The following AAK1 variants were observed in gnomAD, a reference collection of about 807,000 sequenced individuals.
AAK1 encodes AP2-associated protein kinase 1.
Under a neutral mutation model 116.0 loss-of-function variants are expected in AAK1, and 37 were observed. That is an observed-to-expected ratio of 0.32 (90% CI 0.25 to 0.42). AAK1 has a LOEUF of 0.42. Among genes scored for constraint, AAK1 ranks in the 10% least tolerant of loss-of-function variants. The pLI is 1.00. For synonymous variants in AAK1, 458 were observed against 439.9 expected, an observed-to-expected ratio of 1.04 and a Z score of -0.51; for missense variants, 919 against 1,170.6, an observed-to-expected ratio of 0.79 and a Z score of 3.14.
intron 2 of AAK1, among the ~76,000 whole-genome samples, chr2:69,619,223 C>T (rs1450391094): frequency 6.6e-6 from 1 of 152,178 alleles, no homozygotes; most frequent in Non-Finnish European, 1.5e-5. Context: ...GATGACTAAC[C>T]CAACTCTCAG....
chr2:69,507,986 C>T (rs10197424), intron 14 of AAK1, among the ~76,000 whole-genome samples: 4,652 of 152,262 alleles, frequency 0.031, 275 homozygotes, highest in East Asian at 0.19. Context: ...GGATTACAGG[C>T]GTGAGCCACT....
At chr2:69,642,431 A>G (rs1271692663) in intron 2 of AAK1, among the ~76,000 whole-genome samples, 4 of 151,996 alleles carry the variant, frequency 2.6e-5, no homozygotes, top group Non-Finnish European at 4.4e-5. Flanking sequence ...CTTCCTTCCA[A>G]TGCCTGCTCA....
intron 12 of AAK1, among the ~76,000 whole-genome samples, chr2:69,515,375 G>A (rs887301685): frequency 1.3e-5 from 2 of 152,180 alleles, no homozygotes; most frequent in Non-Finnish European, 1.5e-5. Context: ...AGGCTGGGAT[G>A]TAGTGGTGCA....
At chr2:69,608,326 G>A (rs1390355210) in intron 2 of AAK1, among the ~76,000 whole-genome samples, 1 of 152,194 alleles carries the variant, frequency 6.6e-6, no homozygotes, top group Non-Finnish European at 1.5e-5. Context: ...GAAGGGCTGG[G>A]TCTGGCACGG....
At chr2:69,476,190 CTG>C (rs1200600011) in intron 21 of AAK1, among the ~76,000 whole-genome samples, 3 of 152,198 alleles carry the variant, frequency 2.0e-5, no homozygotes, top group Non-Finnish European at 4.4e-5. Flanking sequence ...CTCAGGCACT[CTG>C]TGCACACCAC....
Position 69,462,682 on chromosome 2 carries a change from A to G in AAK1, c.*13187T>C, listed in dbSNP as rs1674371717. On this transcript the variant is annotated 3_prime_UTR_variant, in exon 22 of 22. Transcript: ENST00000409085. Reference sequence around the variant, plus strand: ...CAGAGCAAGACGCCGTCTTGAAAAAAAAAAAAAAAATTTCTGAGTTGGGGT... The same window carrying G: ...CAGAGCAAGACGCCGTCTTGAAAAAGAAAAAAAAAATTTCTGAGTTGGGGT... 6.6e-6 allele frequency: 1 copy of G among 152,116 alleles called. No individual in the cohort carries two copies. Among genetic ancestry groups the G allele is most frequent in the Admixed American group, 6.5e-5 (1 of 15,268 alleles). 9.4% of individuals were successfully genotyped at this position (152,116 alleles called of 1,614,324 possible).
intron 3 of AAK1, among the ~76,000 whole-genome samples, chr2:69,553,868 G>A (rs902952425): frequency 1.4e-4 from 21 of 151,482 alleles, no homozygotes; most frequent in African/African-American, 4.8e-4. Context: ...TTGAGCTCAA[G>A]AGTGTGAGAC....
intron 2 of AAK1, among the ~76,000 whole-genome samples, chr2:69,582,408 C>A (rs1306917286): frequency 2.6e-5 from 4 of 151,600 alleles, no homozygotes; most frequent in African/African-American, 9.7e-5. Flanking sequence ...CGTGTGTGTG[C>A]GCGTGTGTGT....
chr2:69,515,294 A>C (rs1394726507), intron 12 of AAK1, among the ~76,000 whole-genome samples: 1 of 152,164 alleles, frequency 6.6e-6, no homozygotes. Context: ...TTAAACATTC[A>C]AAATAGCCAG....
chr2:69,634,619 T>A (rs1046530704), intron 2 of AAK1, among the ~76,000 whole-genome samples: 1 of 152,298 alleles, frequency 6.6e-6, no homozygotes, highest in South Asian at 2.1e-4. Flanking sequence ...CAAAAGGCAA[T>A]TACATATCTC....
intron 3 of AAK1, among the ~76,000 whole-genome samples, chr2:69,545,457 T>G (rs1670884274): frequency 6.6e-6 from 1 of 152,250 alleles, no homozygotes; most frequent in Non-Finnish European, 1.5e-5. Context: ...TGTCTGATTT[T>G]TGTTTCAAAA....
At chr2:69,621,900 C>A (rs1201972299) in intron 2 of AAK1, among the ~76,000 whole-genome samples, 2 of 152,244 alleles carry the variant, frequency 1.3e-5, no homozygotes, top group Non-Finnish European at 2.9e-5. Flanking sequence ...CCTGATGTTA[C>A]TGAGAGGTGA....
At chr2:69,589,720 A>G (rs577042329) in intron 2 of AAK1, among the ~76,000 whole-genome samples, 17 of 151,496 alleles carry the variant, frequency 1.1e-4, no homozygotes, top group Non-Finnish European at 1.9e-4. Context: ...AAAAAAAAAA[A>G]AAAAAAAAAG....
intron 2 of AAK1, among the ~76,000 whole-genome samples, chr2:69,634,814 G>C (rs1029458841): frequency 2.6e-5 from 4 of 151,474 alleles, no homozygotes; most frequent in Non-Finnish European, 4.4e-5. Context: ...CTATGTTCTA[G>C]TTTTCTCTTA....
intron 2 of AAK1, among the ~76,000 whole-genome samples, chr2:69,599,891 C>A (rs1463653614): frequency 6.6e-6 from 1 of 152,064 alleles, no homozygotes; most frequent in African/African-American, 2.4e-5. Flanking sequence ...AGTCCTCTCA[C>A]CTCAGCCTCC....
chr2:69,478,899 G>A, intron 20 of AAK1, 52 bp downstream of exon 20: 1 of 1,440,334 alleles, frequency 6.9e-7, no homozygotes, highest in African/African-American at 1.4e-5. Flanking sequence ...AAGTTGTTTA[G>A]TTCTTTCCCC....
At chr2:69,611,207 A>G (rs556738347) in intron 2 of AAK1, among the ~76,000 whole-genome samples, 2 of 152,316 alleles carry the variant, frequency 1.3e-5, no homozygotes, top group Admixed American at 6.5e-5. Context: ...CTGGCTGCCA[A>G]CGCGGCTAGA....
In AAK1 at chr2:69,465,471, G is replaced by C; in HGVS notation, c.*10398C>G. ...TGAAGGGAAGGGTGCTAGAGCAAAT[G>C]GATCAGCAGCTGGCAGCTCCGTAGT... is the stretch of plus-strand genomic sequence containing the variant. On this transcript the variant is annotated 3_prime_UTR_variant, in exon 22 of 22. Transcript: ENST00000409085. 7.7e-7 allele frequency: 1 copy of C among 1,290,930 alleles called. No homozygotes were observed. The highest frequency in any genetic ancestry group is 1.0e-6 in the Non-Finnish European group (1 of 988,870). 80.0% of individuals were successfully genotyped at this position (1,290,930 alleles called of 1,614,324 possible).
chr2:69,573,165 G>A (rs1482592385), intron 2 of AAK1, among the ~76,000 whole-genome samples: 2 of 152,224 alleles, frequency 1.3e-5, no homozygotes, highest in African/African-American at 2.4e-5. Context: ...GGGGAGGAAG[G>A]TGGGTCTTCC....
Sources: allele counts gnomAD v4.1 joint callset (sites outside exome capture counted in the v4.1 genomes callset), GRCh38; gene constraint gnomAD v4.1.1; transcripts MANE v1.5; gene names NCBI Gene and HGNC (gene_info 2026-07-23, HGNC 2026-07-21).